The following KIAA1549L variants were observed in gnomAD, a reference collection of about 807,000 sequenced individuals.
The protein encoded by KIAA1549L is KIAA1549 like, also known as UPF0606 protein KIAA1549L.
Under a neutral mutation model 160.7 loss-of-function variants are expected in KIAA1549L, and 88 were observed. That is an observed-to-expected ratio of 0.55 (90% confidence interval 0.46 to 0.65). The LOEUF (loss-of-function observed/expected upper bound fraction) is 0.65. KIAA1549L is among the 30% of genes least tolerant of loss of function. The pLI is 0.00. For missense variants in KIAA1549L, 2,258 were observed against 2,437.5 expected (o/e 0.93, Z 1.55); for synonymous variants, 950 against 976.7 (o/e 0.97, Z 0.51).
chr11:33,646,081 C>A, intron 17 of KIAA1549L, 45 bp downstream of exon 17: 2 of 1,421,482 alleles, frequency 1.4e-6, no homozygotes, highest in Non-Finnish European at 1.9e-6. Flanking sequence ...GGTCAGTCTG[C>A]CCAGTGAGTT....
At position 33,376,170 on chromosome 11, in the gene KIAA1549L, G is replaced by A. The variant is rs887474589; in HGVS notation, c.-482G>A. 3.3e-5 allele frequency among the ~76,000 whole-genome samples: 5 copies of A among 149,794 alleles called. No homozygotes were observed. The highest frequency in any genetic ancestry group is 6.0e-5 in the Non-Finnish European group (4 of 67,098). ...CGGCCCGGGAACCCGAGCCGGAGCC[G>A]GGGCTGGAACCCGAAGCCCAGCGAG... On this transcript the variant is annotated 5_prime_UTR_variant, in exon 1 of 21. Transcript: ENST00000658780. This position sits in a 1 kb window ranked among gnomAD's most constrained non-coding sequence, Gnocchi z 5.8.
At chr11:33,464,687 TG>T (rs1365809967) in intron 1 of KIAA1549L, among the ~76,000 whole-genome samples, 1 of 152,110 alleles carries the variant, frequency 6.6e-6, no homozygotes, top group African/African-American at 2.4e-5. Context: ...GCCAGTGTGG[TG>T]TTTCTAGATC....
intron 1 of KIAA1549L, among the ~76,000 whole-genome samples, chr11:33,494,698 T>A (rs1484181874): frequency 5.9e-5 from 9 of 152,182 alleles, no homozygotes; most frequent in Non-Finnish European, 1.2e-4. Flanking sequence ...ATGGAAATTT[T>A]TCCAAAAGCC....
chr11:33,507,554 A>G (rs1048119000), intron 1 of KIAA1549L, among the ~76,000 whole-genome samples: 3 of 152,196 alleles, frequency 2.0e-5, no homozygotes, highest in Non-Finnish European at 4.4e-5. Context: ...TCATTTTAGC[A>G]TAGACAGTAA....
chr11:33,528,239 C>T (rs1168365219), intron 1 of KIAA1549L, among the ~76,000 whole-genome samples: 1 of 152,152 alleles, frequency 6.6e-6, no homozygotes. Flanking sequence ...CTCAAGATCA[C>T]TAATTATCAG....
intron 1 of KIAA1549L, among the ~76,000 whole-genome samples, chr11:33,494,909 G>A (rs1554983047): frequency 6.6e-6 from 1 of 152,144 alleles, no homozygotes; most frequent in Non-Finnish European, 1.5e-5. Context: ...ATCAGTCGTA[G>A]TCAAATATTG....
intron 1 of KIAA1549L, among the ~76,000 whole-genome samples, chr11:33,464,354 T>C (rs1346359272): frequency 6.6e-6 from 1 of 152,192 alleles, no homozygotes; most frequent in Admixed American, 6.5e-5. Flanking sequence ...CTACCTACAC[T>C]GAGCCCCTAA....
intron 1 of KIAA1549L, among the ~76,000 whole-genome samples, chr11:33,505,683 T>C (rs1354570382): frequency 6.6e-6 from 1 of 152,208 alleles, no homozygotes; most frequent in Non-Finnish European, 1.5e-5. Flanking sequence ...TCTTTCACCA[T>C]CTGTGCTCTC....
Position 33,516,139 on chromosome 11 carries a change from CTTTTTTTTTTTTTTT to C in KIAA1549L, c.239-25647_239-25633del, listed in dbSNP as rs927894187. Among the ~76,000 whole-genome samples, 3 of 43,290 alleles carry C rather than the reference CTTTTTTTTTTTTTTT, an allele frequency of 6.9e-5. 1 individual carries two copies. Among genetic ancestry groups the C allele is most frequent in the Non-Finnish European group, 1.1e-4 (3 of 26,624 alleles). The allele number at this position is 43,290 out of a possible 152,430, so 28.4% of individuals were successfully genotyped here. On this transcript the variant is annotated intron_variant, in intron 1 of 20. Coordinates refer to ENST00000658780, the MANE Select transcript of KIAA1549L (RefSeq NM_012194.3). ...CACTACCAATCAGCTGGAGGTGATT[CTTTTTTTTTTTTTTT>C]TTTTTTTTTTTTTTTGAGACGGAGT...
chr11:33,635,874 G>A (rs1851423743), intron 16 of KIAA1549L, among the ~76,000 whole-genome samples: 1 of 152,190 alleles, frequency 6.6e-6, no homozygotes, highest in South Asian at 2.1e-4. Flanking sequence ...CCCTCATGGG[G>A]CTTATCCAGT....
chr11:33,441,862 C>T (rs993803182), intron 1 of KIAA1549L, among the ~76,000 whole-genome samples: 31 of 152,240 alleles, frequency 2.0e-4, no homozygotes, highest in African/African-American at 5.8e-4. Context: ...TTCTCCCATT[C>T]TGTAGGTTGC....
intron 1 of KIAA1549L, among the ~76,000 whole-genome samples, chr11:33,458,290 G>T (rs1021305786): frequency 6.6e-6 from 1 of 152,198 alleles, no homozygotes; most frequent in Non-Finnish European, 1.5e-5. Context: ...TTAATAATTT[G>T]TTTTAATGTA....
Position 33,598,917 on chromosome 11 carries a change from G to C in KIAA1549L, c.4849G>C (p.Val1617Leu), listed in dbSNP as rs373071758. 1 of 1,613,808 alleles carries C rather than the reference G, an allele frequency of 6.2e-7. No homozygotes were observed. Among genetic ancestry groups the C allele is most frequent in the Non-Finnish European group, 8.5e-7 (1 of 1,179,828 alleles). The change falls in exon 13 of 21, where the codon GTG (valine) becomes CTG (leucine). Residue 1617 changes from valine to leucine, a missense_variant. This residue lies in a region of KIAA1549L where 1,359 missense variants were observed against 1,546.6 expected (regional missense o/e 0.88). Coordinates refer to ENST00000658780, the MANE Select transcript of KIAA1549L (RefSeq NM_012194.3). ...SPQNVMAQQK[V>L]TKEEARKRNV... Reference sequence around the variant, plus strand: ...CCAGAATGTAATGGCACAGCAGAAAGTGACAAAGGAGGAGGCAAGGAAGAG... The same window carrying C: ...CCAGAATGTAATGGCACAGCAGAAACTGACAAAGGAGGAGGCAAGGAAGAG...
At chr11:33,429,368 C>G (rs138991723) in intron 1 of KIAA1549L, among the ~76,000 whole-genome samples, 91 of 152,290 alleles carry the variant, frequency 6.0e-4, no homozygotes, top group African/African-American at 2.1e-3. Flanking sequence ...ATTTAAAAAT[C>G]GGGTTGCTTG....
chr11:33,379,158 G>C (rs1395326884), intron 1 of KIAA1549L, among the ~76,000 whole-genome samples: 3 of 152,160 alleles, frequency 2.0e-5, no homozygotes, highest in Non-Finnish European at 4.4e-5. Flanking sequence ...TTTAAGGAAG[G>C]CTAAGCCAGA....
intron 1 of KIAA1549L, among the ~76,000 whole-genome samples, chr11:33,390,363 C>G (rs1329253440): frequency 6.6e-6 from 1 of 152,208 alleles, no homozygotes; most frequent in Non-Finnish European, 1.5e-5. Flanking sequence ...TGGAGACTGG[C>G]TTTTTCTGCT....
intron 1 of KIAA1549L, among the ~76,000 whole-genome samples, chr11:33,437,010 G>C (rs1851394520): frequency 6.6e-6 from 1 of 152,202 alleles, no homozygotes; most frequent in East Asian, 1.9e-4. Flanking sequence ...TTAACTTTTA[G>C]TTATACACCT....
chr11:33,566,147 C>A (rs1855041295), intron 8 of KIAA1549L, among the ~76,000 whole-genome samples: 1 of 151,854 alleles, frequency 6.6e-6, no homozygotes, highest in Non-Finnish European at 1.5e-5. Context: ...ATTTCCAGAA[C>A]TTTTTTGTCC....
intron 1 of KIAA1549L, among the ~76,000 whole-genome samples, chr11:33,397,802 A>C (rs535423402): frequency 6.6e-6 from 1 of 152,086 alleles, no homozygotes; most frequent in East Asian, 1.9e-4. Context: ...TTACAAGGTA[A>C]TCTTTTAATA....
Sources: allele counts gnomAD v4.1 joint callset (sites outside exome capture counted in the v4.1 genomes callset), GRCh38; gene constraint gnomAD v4.1.1; regional missense constraint gnomAD v4.1.1; non-coding constraint Gnocchi (gnomAD v3.1); transcripts MANE v1.5; gene names NCBI Gene and HGNC (gene_info 2026-07-23, HGNC 2026-07-21).